Variants in CHD1 observed in about 807,000 individuals in gnomAD.
CHD1 encodes the protein ATP-dependent chromatin remodeler CHD1.
In CHD1, 36 loss-of-function variants were observed where a neutral mutation model predicts 224.2. The ratio of observed to expected loss-of-function variants is 0.16; its 90% CI spans 0.12 to 0.21. The LOEUF is 0.21. CHD1 is among the 10% of genes least tolerant of loss of function. The probability of loss-of-function intolerance (pLI) is 1.00; values close to 1 mark genes in which losing one functional copy is unlikely to be tolerated. For synonymous variants in CHD1, 668 were observed against 658.3 expected (o/e 1.01, Z -0.23); for missense variants, 1,378 against 1,994.8 (o/e 0.69, Z 5.89).
intron 18 of CHD1, among the ~76,000 whole-genome samples, chr5:98,884,554 C>G (rs1386720826): frequency 1.3e-5 from 2 of 152,060 alleles, no homozygotes; most frequent in Admixed American, 6.5e-5. Context: ...AAATTTGGTT[C>G]AGTGTATACT....
rs1430107582 is a variant in CHD1 at position 98,901,747 on chromosome 5, A to AC, written c.438-413_438-412insG. On this transcript the variant is annotated intron_variant, in intron 5 of 35. Coordinates refer to ENST00000614616, the MANE Select transcript of CHD1 (RefSeq NM_001270.4). ...CACGTTCATTAAGAAACATAGAAAA[A>AC]TTAAAAAAAAAAAAAAGAGCAACAG... Among the ~76,000 whole-genome samples, 11 of 135,210 alleles carry AC rather than the reference A, an allele frequency of 8.1e-5. No homozygotes were observed. The South Asian group carries it at 2.2e-3, about 27-fold the overall frequency. The allele number at this position is 135,210 out of a possible 152,430, so 88.7% of individuals were successfully genotyped here.
chr5:98,861,658 T>G (rs1055741437), intron 32 of CHD1, among the ~76,000 whole-genome samples: 1 of 151,096 alleles, frequency 6.6e-6, no homozygotes, highest in African/African-American at 2.4e-5. Context: ...CATGCCACCA[T>G]GCCCGACTAC....
chr5:98,873,446 T>C (rs891878001), intron 26 of CHD1, 147 bp downstream of exon 26: 4 of 576,034 alleles, frequency 6.9e-6, no homozygotes, highest in Non-Finnish European at 1.1e-5. Flanking sequence ...CTCCATTTCC[T>C]ATTACCCAGA....
chr5:98,879,511 A>G (rs1186450491), intron 23 of CHD1, 41 bp downstream of exon 23: 4 of 1,541,904 alleles, frequency 2.6e-6, no homozygotes, highest in Non-Finnish European at 8.7e-7. Context: ...CAGGTTGAAT[A>G]CTCTTACTTT....
At chr5:98,922,009 G>A (rs961592892) in intron 2 of CHD1, among the ~76,000 whole-genome samples, 4 of 151,862 alleles carry the variant, frequency 2.6e-5, no homozygotes, top group African/African-American at 7.3e-5. Flanking sequence ...AAAAATTAGC[G>A]GGGCATGGTG....
chr5:98,908,104 C>T (rs187752247), intron 2 of CHD1, among the ~76,000 whole-genome samples: 16 of 152,098 alleles, frequency 1.1e-4, no homozygotes, highest in African/African-American at 3.6e-4. Flanking sequence ...TCTATGAGAC[C>T]TTTCAGGATC....
At chr5:98,921,315 G>C (rs367805683) in intron 2 of CHD1, among the ~76,000 whole-genome samples, 1 of 152,170 alleles carries the variant, frequency 6.6e-6, no homozygotes, top group Admixed American at 6.5e-5. Flanking sequence ...TTGGAGGTTC[G>C]CAGAGAATGA....
intron 32 of CHD1, among the ~76,000 whole-genome samples, chr5:98,861,765 G>A (rs981582125): frequency 5.3e-5 from 8 of 150,648 alleles, no homozygotes; most frequent in African/African-American, 1.5e-4. Context: ...GCCTCCCAAC[G>A]TGCTGGGATT....
At chr5:98,908,262 T>C (rs182523198) in intron 2 of CHD1, among the ~76,000 whole-genome samples, 152 of 152,292 alleles carry the variant, frequency 1.0e-3, no homozygotes, top group Admixed American at 7.2e-4. Context: ...CTTTTTATTA[T>C]GTAATTTTTT....
chr5:98,914,549 G>C (rs2112605796), intron 2 of CHD1, among the ~76,000 whole-genome samples: 1 of 152,130 alleles, frequency 6.6e-6, no homozygotes, highest in Middle Eastern at 3.4e-3. Context: ...AAAGTAAAAA[G>C]ATAAAATACA....
chr5:98,920,116 TTA>T (rs1346603869), intron 2 of CHD1, among the ~76,000 whole-genome samples: 1 of 152,080 alleles, frequency 6.6e-6, no homozygotes, highest in African/African-American at 2.4e-5. Flanking sequence ...AATATATATT[TTA>T]TAGAGTTGTA....
chr5:98,887,219 T>G (rs1202227624), intron 17 of CHD1, among the ~76,000 whole-genome samples: 1 of 152,148 alleles, frequency 6.6e-6, no homozygotes, highest in African/African-American at 2.4e-5. Flanking sequence ...TTCCCCTAAA[T>G]GACTGCAATT....
intron 34 of CHD1, 76 bp from the exon 35 acceptor site, chr5:98,858,466 G>A (rs1748212459): frequency 1.2e-5 from 15 of 1,233,210 alleles, no homozygotes; most frequent in Non-Finnish European, 1.7e-5. Flanking sequence ...TAGATAACAA[G>A]AATTCGTTTC....
intron 32 of CHD1, among the ~76,000 whole-genome samples, chr5:98,861,734 C>A (rs1007658202): frequency 6.6e-6 from 1 of 151,204 alleles, no homozygotes; most frequent in Non-Finnish European, 1.5e-5. Flanking sequence ...AATCTCCTGA[C>A]CTTGTGATGC....
At chr5:98,869,630 A>G (rs1194283112) in intron 30 of CHD1, 124 bp downstream of exon 30, 4 of 684,028 alleles carry the variant, frequency 5.8e-6, no homozygotes, top group African/African-American at 4.2e-5. Flanking sequence ...GCGCACACAC[A>G]CACACACACA....
chr5:98,869,987 T>C, intron 29 of CHD1, 105 bp from the exon 30 acceptor site: 1 of 783,254 alleles, frequency 1.3e-6, no homozygotes, highest in South Asian at 1.8e-5. Flanking sequence ...ACCTGATCCT[T>C]AGTCTATTGG....
intron 23 of CHD1, among the ~76,000 whole-genome samples, chr5:98,878,388 A>G (rs1381288142): frequency 6.6e-6 from 1 of 152,268 alleles, no homozygotes; most frequent in East Asian, 1.9e-4. Context: ...GGGGAATGGT[A>G]GCAGGGCAGG....
chr5:98,863,259 A>C, intron 32 of CHD1, 149 bp downstream of exon 32: 1 of 446,884 alleles, frequency 2.2e-6, no homozygotes, highest in Non-Finnish European at 3.8e-6. Context: ...TTTAACATTA[A>C]AGGGAGAAAA....
intron 13 of CHD1, 61 bp downstream of exon 13, chr5:98,894,536 C>T: frequency 1.7e-6 from 1 of 586,318 alleles, no homozygotes; most frequent in Non-Finnish European, 3.0e-6. Flanking sequence ...TTGTCCACAG[C>T]ATATGATAAA....
Sources: allele counts gnomAD v4.1 joint callset (sites outside exome capture counted in the v4.1 genomes callset), GRCh38; gene constraint gnomAD v4.1.1; transcripts MANE v1.5; gene names NCBI Gene and HGNC (gene_info 2026-07-23, HGNC 2026-07-21).